The following LYPD6B variants were observed in gnomAD, a reference collection of about 807,000 sequenced individuals.
LYPD6B encodes ly6/PLAUR domain-containing protein 6B.
In LYPD6B, 17 loss-of-function variants were observed where a neutral mutation model predicts 22.8. The observed-to-expected ratio is 0.75, with a 90% CI of 0.51 to 1.12. The LOEUF (loss-of-function observed/expected upper bound fraction) is 1.12. Among genes scored for constraint, LYPD6B ranks in the 50% most tolerant of loss-of-function variants. LYPD6B has a pLI of 0.00. For missense variants in LYPD6B, 221 were observed against 258.3 expected (o/e 0.86, Z 0.99); for synonymous variants, 106 against 91.6 (o/e 1.16, Z -0.90).
At chr2:149,183,136 T>G (rs1691853067) in intron 3 of LYPD6B, among the ~76,000 whole-genome samples, 1 of 152,204 alleles carries the variant, frequency 6.6e-6, no homozygotes, top group South Asian at 2.1e-4. Flanking sequence ...TCAGTAAAAT[T>G]TAATTTTTTT....
chr2:149,043,647 C>T (rs917798554), intron 1 of LYPD6B, among the ~76,000 whole-genome samples: 1 of 152,080 alleles, frequency 6.6e-6, no homozygotes, highest in African/African-American at 2.4e-5. Context: ...TTTTGATAAA[C>T]CAGTTTATCG....
chr2:149,201,498 G>A (rs527580725), intron 3 of LYPD6B, among the ~76,000 whole-genome samples: 8 of 152,278 alleles, frequency 5.3e-5, no homozygotes, highest in Middle Eastern at 3.4e-3. Context: ...TGATTCTAAT[G>A]TAAAACAACT....
intron 1 of LYPD6B, among the ~76,000 whole-genome samples, chr2:149,075,363 G>T (rs1246924049): frequency 6.7e-6 from 1 of 149,596 alleles, no homozygotes; most frequent in Non-Finnish European, 1.5e-5. Context: ...ATTTAGATGG[G>T]TCTATATGTT....
intron 1 of LYPD6B, chr2:149,100,992 G>C (rs1686179467): frequency 6.6e-6 from 1 of 152,134 alleles, no homozygotes; most frequent in African/African-American, 2.4e-5. Flanking sequence ...AATCTTGCAG[G>C]TCAGAGCTGT....
chr2:149,039,740 C>T (rs1682985166), intron 1 of LYPD6B, among the ~76,000 whole-genome samples: 1 of 152,126 alleles, frequency 6.6e-6, no homozygotes, highest in African/African-American at 2.4e-5. Flanking sequence ...CCCACCCTGA[C>T]TTGTTCATGG....
At chr2:149,108,354 G>T (rs1026650956) in intron 1 of LYPD6B, among the ~76,000 whole-genome samples, 2 of 152,282 alleles carry the variant, frequency 1.3e-5, no homozygotes, top group East Asian at 1.9e-4. Context: ...CACCCTTGCA[G>T]TTCAATGAGT....
intron 1 of LYPD6B, among the ~76,000 whole-genome samples, chr2:149,121,869 C>A (rs567167696): frequency 6.6e-6 from 1 of 152,274 alleles, no homozygotes; most frequent in Admixed American, 6.5e-5. Flanking sequence ...ACTGACAGAA[C>A]CCAACCAAAA....
chr2:149,134,437 A>G (rs746822750), intron 2 of LYPD6B, among the ~76,000 whole-genome samples: 1 of 152,324 alleles, frequency 6.6e-6, no homozygotes, highest in Non-Finnish European at 1.5e-5. Context: ...ACTCCAGCCT[A>G]CTAAACTCTT....
At chr2:149,073,310 A>G (rs1238823066) in intron 1 of LYPD6B, among the ~76,000 whole-genome samples, 2 of 152,202 alleles carry the variant, frequency 1.3e-5, no homozygotes, top group Non-Finnish European at 2.9e-5. Context: ...CACACCCATT[A>G]GCTGGCAGGT....
chr2:149,051,475 T>C (rs560604377), intron 1 of LYPD6B, among the ~76,000 whole-genome samples: 2 of 152,308 alleles, frequency 1.3e-5, no homozygotes, highest in South Asian at 4.1e-4. Context: ...AACAACATTA[T>C]TTTTAATGTA....
intron 2 of LYPD6B, among the ~76,000 whole-genome samples, chr2:149,143,503 A>G (rs1032550284): frequency 2.5e-5 from 3 of 119,646 alleles, no homozygotes; most frequent in Non-Finnish European, 5.3e-5. Context: ...TAACATTGCA[A>G]CATGTGACGC....
At chr2:149,173,612 G>C (rs1232447581) in intron 3 of LYPD6B, among the ~76,000 whole-genome samples, 2 of 152,114 alleles carry the variant, frequency 1.3e-5, no homozygotes, top group African/African-American at 2.4e-5. Context: ...CCTAAGGATA[G>C]AATATTCTAT....
chr2:149,147,906 CTGTGTGTGTG>C (rs61441741), intron 2 of LYPD6B, among the ~76,000 whole-genome samples: 15 of 139,018 alleles, frequency 1.1e-4, no homozygotes, highest in African/African-American at 3.6e-4. Context: ...GCACATGGGC[CTGTGTGTGTG>C]TGTGTGTGTG....
intron 1 of LYPD6B, among the ~76,000 whole-genome samples, chr2:149,102,043 A>G (rs1388837042): frequency 2.0e-5 from 3 of 152,232 alleles, no homozygotes; most frequent in Non-Finnish European, 4.4e-5. Context: ...ACGTAGACCC[A>G]GAGGCTTCTG....
chr2:149,130,455 G>A (rs1307025812), intron 1 of LYPD6B, among the ~76,000 whole-genome samples: 1 of 152,086 alleles, frequency 6.6e-6, no homozygotes, highest in Non-Finnish European at 1.5e-5. Context: ...TTTATCTTAG[G>A]TACCTGACAA....
At chr2:149,205,442 G>T in intron 4 of LYPD6B, 38 bp downstream of exon 4, 1 of 1,604,118 alleles carries the variant, frequency 6.2e-7, no homozygotes, top group South Asian at 1.1e-5. Context: ...TCATGGCTGT[G>T]GGGCCAGAGT....
At chr2:149,079,705 A>T (rs767840377) in intron 1 of LYPD6B, among the ~76,000 whole-genome samples, 5 of 152,150 alleles carry the variant, frequency 3.3e-5, no homozygotes, top group Admixed American at 2.0e-4. Flanking sequence ...GGGAATTACA[A>T]GTCTATGGGG....
intron 1 of LYPD6B, among the ~76,000 whole-genome samples, chr2:149,061,114 A>G (rs549421780): frequency 2.8e-4 from 42 of 152,174 alleles, no homozygotes; most frequent in Middle Eastern, 3.4e-3. Context: ...CTCCAGTAAT[A>G]CTTAATGGAA....
At chr2:149,116,541 A>G (rs1341483359) in intron 1 of LYPD6B, among the ~76,000 whole-genome samples, 1 of 152,166 alleles carries the variant, frequency 6.6e-6, no homozygotes, top group Non-Finnish European at 1.5e-5. Flanking sequence ...CCATTTTCTG[A>G]CACCTATTCG....
Sources: allele counts gnomAD v4.1 joint callset (sites outside exome capture counted in the v4.1 genomes callset), GRCh38; gene constraint gnomAD v4.1.1; transcripts MANE v1.5; gene names NCBI Gene and HGNC (gene_info 2026-07-23, HGNC 2026-07-21).